Variants in INTS6 observed in about 807,000 individuals in gnomAD.
The protein encoded by INTS6 is DEAD box protein.
A neutral mutation model predicts 104.9 loss-of-function variants in INTS6; 16 were observed. The ratio of observed to expected loss-of-function variants is 0.15; its 90% CI spans 0.10 to 0.23. The LOEUF (loss-of-function observed/expected upper bound fraction) is 0.23, where lower values mean the gene tolerates loss of function less well. Ranked by LOEUF, INTS6 falls within the 10% of genes least tolerant of loss-of-function variation. INTS6 has a pLI of 1.00. For missense variants in INTS6, 584 were observed against 1,062.8 expected (o/e 0.55, Z 6.26); for synonymous variants, 324 against 358.7 (o/e 0.90, Z 1.09).
downstream of INTS6, among the ~76,000 whole-genome samples, chr13:51,359,427 T>TA (rs1955528422): frequency 6.6e-6 from 1 of 152,152 alleles, no homozygotes; most frequent in Admixed American, 6.6e-5. Context: ...TGACATAGGC[T>TA]ATGGACCTTG....
intron 5 of INTS6, among the ~76,000 whole-genome samples, chr13:51,394,403 T>C (rs1222132400): frequency 1.3e-5 from 2 of 152,174 alleles, no homozygotes; most frequent in Non-Finnish European, 2.9e-5. Flanking sequence ...ATCCATAGAA[T>C]TTTAGAAAAA....
chr13:51,441,803 C>G (rs1952802020), intron 3 of INTS6: 1 of 149,540 alleles, frequency 6.7e-6, no homozygotes, highest in South Asian at 2.1e-4. Context: ...CCATACGTCC[C>G]CAGGCCTCCC....
chr13:51,399,294 A>G (rs1005946963), intron 4 of INTS6, among the ~76,000 whole-genome samples: 4 of 151,752 alleles, frequency 2.6e-5, no homozygotes, highest in Admixed American at 2.0e-4. Context: ...GCACCCTCAA[A>G]CTCCTAGACT....
chr13:51,361,716 T>A lies in INTS6; in HGVS notation c.*4036A>T. 8.7e-7 allele frequency: 1 copy of A among 1,153,466 alleles called. No homozygotes were observed. Among genetic ancestry groups the A allele is most frequent in the East Asian group, 2.5e-5 (1 of 39,238 alleles). The allele number at this position is 1,153,466 out of a possible 1,614,324, so 71.5% of individuals were successfully genotyped here. On this transcript the variant is annotated 3_prime_UTR_variant, in exon 18 of 18. Transcript: ENST00000311234. ...ACAATCAAATGCCATTAGGATGCTT[T>A]GATTTCTTAAAAAATTAACTTACTT...
chr13:51,440,993 C>G (rs1039480399), intron 3 of INTS6: 2 of 152,164 alleles, frequency 1.3e-5, no homozygotes, highest in East Asian at 1.9e-4. Context: ...AGATGATGAT[C>G]ATCATCATAA....
the INTS6 span, chr13:51,348,248 G>T: frequency 1.2e-6 from 2 of 1,603,236 alleles, no homozygotes; most frequent in East Asian, 4.5e-5. Context: ...TCAGGTGGGG[G>T]TGCTGGAGCT....
chr13:51,446,810 AAT>A (rs1593780966), intron 3 of INTS6: 1 of 152,242 alleles, frequency 6.6e-6, no homozygotes, highest in East Asian at 1.9e-4. Context: ...TAAAAAGGCA[AAT>A]ACTGTATGAT....
At chr13:51,444,860 G>C (rs1460143176) in intron 3 of INTS6, 1 of 141,504 alleles carries the variant, frequency 7.1e-6, no homozygotes, top group East Asian at 2.1e-4. Context: ...AACAGTTTTA[G>C]AGTATAAAAT....
intron 3 of INTS6, among the ~76,000 whole-genome samples, chr13:51,436,126 T>C (rs1489769614): frequency 6.6e-6 from 1 of 152,118 alleles, no homozygotes. Flanking sequence ...ATAAAAAAGA[T>C]CTCTGAAGGA....
the INTS6 span, among the ~76,000 whole-genome samples, chr13:51,347,396 C>T: frequency 2.6e-5 from 4 of 152,248 alleles, no homozygotes; most frequent in East Asian, 1.9e-4. Flanking sequence ...CTAAGGTGCC[C>T]GGAGACTTTA....
intron 3 of INTS6, chr13:51,438,243 C>T (rs900856327): frequency 2.0e-5 from 3 of 151,858 alleles, no homozygotes; most frequent in African/African-American, 7.3e-5. Context: ...TTTATTGATG[C>T]TTGTGCTAAA....
At position 51,376,021 on chromosome 13, in the gene INTS6, A is replaced by G. The variant is rs1470247884; in HGVS notation, c.1729+27T>C. The G allele has an allele frequency of 4.3e-5, 67 of 1,556,424 alleles. No individual in the cohort carries two copies. In the Admixed American group the frequency reaches 1.3e-3, roughly 31 times the overall value. Reference sequence around the variant, plus strand: ...AGACTATAAAGAAAAAAAATTAAAAATACCAGTATTGAAACTATGTTCTAA... The same window carrying G: ...AGACTATAAAGAAAAAAAATTAAAAGTACCAGTATTGAAACTATGTTCTAA... On this transcript the variant is annotated intron_variant, in intron 13 of 17. Coordinates refer to ENST00000311234, the MANE Select transcript of INTS6 (RefSeq NM_012141.3).
intron 4 of INTS6, among the ~76,000 whole-genome samples, chr13:51,420,613 A>C (rs1190476884): frequency 6.6e-6 from 1 of 152,172 alleles, no homozygotes; most frequent in Non-Finnish European, 1.5e-5. Flanking sequence ...CTTGGTTCAA[A>C]GGTAGCTATG....
chr13:51,451,720 GCGC>G (rs551582945), intron 2 of INTS6: 274 of 192,730 alleles, frequency 1.4e-3, no homozygotes, highest in East Asian at 2.1e-3. Context: ...GTTGATAGCA[GCGC>G]CGCCGCCGCC....
At chr13:51,398,134 T>A (rs1329365128) in intron 4 of INTS6, among the ~76,000 whole-genome samples, 1 of 151,944 alleles carries the variant, frequency 6.6e-6, no homozygotes, top group African/African-American at 2.4e-5. Context: ...AATGAATTAG[T>A]AAAATAAGGA....
At position 51,369,163 on chromosome 13, in the gene INTS6, T is replaced by A; in HGVS notation, c.2252A>T (p.His751Leu). 1 of 1,613,884 alleles carries A rather than the reference T, an allele frequency of 6.2e-7. No individual in the cohort carries two copies. Among genetic ancestry groups the A allele is most frequent in the Non-Finnish European group, 8.5e-7 (1 of 1,179,846 alleles). Residue 751 changes from histidine to leucine, a missense_variant, in exon 16 of 18, where the codon CAT becomes CTT. Coordinates refer to ENST00000311234, the MANE Select transcript of INTS6 (RefSeq NM_012141.3). ...PASLLERPTNHMEALGHDHLG... is the reference protein window; with the variant it reads ...PASLLERPTNLMEALGHDHLG... ...ATGGTCATGACCAAGAGCCTCCATA[T>A]GATTGGTTGGCCGTTCCAGTAAACT...
At chr13:51,422,168 T>C (rs560414227) in intron 4 of INTS6, among the ~76,000 whole-genome samples, 12 of 152,292 alleles carry the variant, frequency 7.9e-5, no homozygotes, top group Middle Eastern at 3.4e-3. Flanking sequence ...CGAAAGGTAA[T>C]GATACTTTGT....
the INTS6 span, among the ~76,000 whole-genome samples, chr13:51,339,946 G>T: frequency 6.6e-6 from 1 of 152,162 alleles, no homozygotes; most frequent in South Asian, 2.1e-4. Context: ...GAGAGAGAGA[G>T]AGAGCCCTAT....
intron 4 of INTS6, among the ~76,000 whole-genome samples, chr13:51,409,858 A>G (rs1370939551): frequency 6.6e-6 from 1 of 152,188 alleles, no homozygotes; most frequent in African/African-American, 2.4e-5. Context: ...TTTGTACGTA[A>G]AAAGCTTCAA....
Sources: gnomAD v4.1 joint callset for allele counts (sites outside exome capture counted in the v4.1 genomes callset) on GRCh38, gnomAD v4.1.1 for gene constraint, MANE v1.5 for transcripts, NCBI Gene and HGNC (gene_info 2026-07-23, HGNC 2026-07-21) for gene names.